Variants in EIF2A observed in about 807,000 individuals in gnomAD.
The protein encoded by EIF2A is eukaryotic translation initiation factor 2A, also known as 65 kDa eukaryotic translation initiation factor 2A.
A neutral mutation model predicts 75.2 loss-of-function variants in EIF2A; 62 were observed. The observed-to-expected ratio is 0.82, with a 90% CI of 0.67 to 1.02. EIF2A has a LOEUF of 1.02. Ranked by LOEUF, EIF2A falls within the 50% of genes least tolerant of loss-of-function variation. The probability of loss-of-function intolerance (pLI) is 0.00; values close to 1 mark genes in which losing one functional copy is unlikely to be tolerated. For missense variants in EIF2A, 611 were observed against 677.7 expected (o/e 0.90, Z 1.09); for synonymous variants, 207 against 239.0 (o/e 0.87, Z 1.23).
At chr3:150,565,020 T>C (rs1724092463) in intron 6 of EIF2A, 2 of 319,056 alleles carry the variant, frequency 6.3e-6, no homozygotes. Flanking sequence ...ATATATCTTT[T>C]ATGTTTCTTT....
At chr3:150,576,814 G>A (rs1724898848) in intron 11 of EIF2A, among the ~76,000 whole-genome samples, 1 of 152,144 alleles carries the variant, frequency 6.6e-6, no homozygotes, top group Non-Finnish European at 1.5e-5. Flanking sequence ...CAAATAATGG[G>A]ATATTTCCAA....
Position 150,584,182 on chromosome 3 carries a change from CA to C in EIF2A, c.*272del. ...GCTTGACAGATTGAAAGACAAGTGT[CA>C]TTTTTTTTTGTAGAGGGTGATATAT... On this transcript the variant is annotated 3_prime_UTR_variant, in exon 14 of 14. Coordinates refer to ENST00000460851, the MANE Select transcript of EIF2A (RefSeq NM_032025.5). 1 of 311,310 alleles carries C rather than the reference CA, an allele frequency of 3.2e-6. No individual in the cohort carries two copies. Among genetic ancestry groups the C allele is most frequent in the Non-Finnish European group, 5.8e-6 (1 of 171,280 alleles). 19.3% of individuals were successfully genotyped at this position (311,310 alleles called of 1,614,324 possible).
In EIF2A at chr3:150,573,013, A is replaced by T. The variant is rs142038672; in HGVS notation, c.1383+484A>T. Among the ~76,000 whole-genome samples, 26 of 152,238 alleles carry T rather than the reference A, an allele frequency of 1.7e-4. No homozygotes were observed. In the East Asian group the frequency reaches 5.0e-3, roughly 29 times the overall value. On this transcript the variant is annotated intron_variant, in intron 10 of 13. Coordinates refer to ENST00000460851, the MANE Select transcript of EIF2A (RefSeq NM_032025.5). Reference sequence around the variant, plus strand: ...AACATGATATTTATTTGTATTTATCATATTTATTTAGATTTAAAAAGAAAG... The same window carrying T: ...AACATGATATTTATTTGTATTTATCTTATTTATTTAGATTTAAAAAGAAAG...
intron 11 of EIF2A, among the ~76,000 whole-genome samples, chr3:150,576,015 G>A (rs1186774617): frequency 6.6e-6 from 1 of 152,162 alleles, no homozygotes; most frequent in Non-Finnish European, 1.5e-5. Context: ...GGGAGGTGGA[G>A]GTTGCAGTGA....
rs545899486 is a variant in EIF2A, at chr3:150,584,460, T to C, written c.*549T>C. ...GAGCCTATGCTTTAGGTCACTATGA[T>C]ATATACTACTCCTGTATCCTCAAGT... On this transcript the variant is annotated 3_prime_UTR_variant, in exon 14 of 14. Coordinates refer to ENST00000460851, the MANE Select transcript of EIF2A (RefSeq NM_032025.5). Among the ~76,000 whole-genome samples the C allele has an allele frequency of 3.9e-5, 6 of 152,314 alleles. No individual in the cohort carries two copies. The East Asian group carries it at 1.2e-3, about 29-fold the overall frequency.
At chr3:150,555,139 G>C (rs763363062) in intron 2 of EIF2A, among the ~76,000 whole-genome samples, 2 of 151,824 alleles carry the variant, frequency 1.3e-5, no homozygotes. Context: ...ATGTTGCCCA[G>C]GCTGCTCTCC....
At chr3:150,546,948 C>G (rs767364560) in intron 1 of EIF2A, 118 bp downstream of exon 1, 2 of 1,420,530 alleles carry the variant, frequency 1.4e-6, no homozygotes, top group Non-Finnish European at 1.9e-6. Context: ...TTGTGGCTTG[C>G]GGAAAGGCCA....
rs748219843 is a variant in EIF2A at position 150,572,185 on chromosome 3, A to G, written c.1039A>G (p.Lys347Glu). 5.0e-6 allele frequency: 8 copies of G among 1,613,978 alleles called. No homozygotes were observed. The highest frequency in any genetic ancestry group is 6.8e-6 in the Non-Finnish European group (8 of 1,179,876). Residue 347 changes from lysine (K) to glutamate (E), a missense_variant, in exon 10 of 14, where the codon AAA (lysine) becomes GAA (glutamate). Transcript: ENST00000460851. ...LRGQMEVWDV[K>E]NYKLISKPVA... Reference sequence around the variant, plus strand: ...GGGACAAATGGAAGTGTGGGATGTGAAAAACTACAAACTTATTTCTAAACC... The same window carrying G: ...GGGACAAATGGAAGTGTGGGATGTGGAAAACTACAAACTTATTTCTAAACC...
At chr3:150,562,404 A>G (rs1387219511) in intron 3 of EIF2A, 138 bp from the exon 4 acceptor site, 1 of 552,792 alleles carries the variant, frequency 1.8e-6, no homozygotes, top group Non-Finnish European at 3.1e-6. Context: ...CCTGGGAGAC[A>G]GCGAGACTCC....
chr3:150,559,439 C>T (rs1367142455), intron 3 of EIF2A, among the ~76,000 whole-genome samples: 1 of 151,388 alleles, frequency 6.6e-6, no homozygotes, highest in East Asian at 1.9e-4. Flanking sequence ...CCCAAGCAGT[C>T]CTCCTGCCTC....
At chr3:150,570,731 G>C (rs543312599) in intron 9 of EIF2A, among the ~76,000 whole-genome samples, 47 of 152,236 alleles carry the variant, frequency 3.1e-4, no homozygotes, top group Non-Finnish European at 5.6e-4. Context: ...ACACAGTATA[G>C]TTGAAGGATA....
intron 6 of EIF2A, chr3:150,565,900 A>G: frequency 6.8e-6 from 1 of 146,608 alleles, no homozygotes; most frequent in Non-Finnish European, 1.5e-5. Context: ...GGTTCAAGCG[A>G]TTCTCCTGCC....
chr3:150,572,247 G>A lies in EIF2A; in HGVS notation c.1101G>A (p.Pro367=), dbSNP rs182837216. ...ATTCTACATATTTTGCTTGGTGCCC[G>A]GATGGTGAGCATATTTTAACAGCTA... ...ASDSTYFAWC[P]DGEHILTATC... is the part of the protein sequence containing the mutation. The change falls in exon 10 of 14, where the codon CCG becomes CCA. Residue 367 remains proline (P), a synonymous_variant. Coordinates refer to ENST00000460851, the MANE Select transcript of EIF2A (RefSeq NM_032025.5). The A allele has an allele frequency of 1.2e-5, 19 of 1,613,892 alleles. No individual in the cohort carries two copies. The highest frequency in any genetic ancestry group is 1.6e-4 in the Middle Eastern group (1 of 6,062).
intron 9 of EIF2A, among the ~76,000 whole-genome samples, chr3:150,569,159 C>G (rs1015960715): frequency 9.9e-5 from 15 of 152,032 alleles, no homozygotes; most frequent in African/African-American, 3.6e-4. Flanking sequence ...CTATAATCAG[C>G]AGAAGTAAAA....
At position 150,562,490 on chromosome 3, in the gene EIF2A, T is replaced by C. The variant is rs1576593837; in HGVS notation, c.174-52T>C. On this transcript the variant is annotated intron_variant, in intron 3 of 13. Transcript: ENST00000460851. ...GAGGTATGAATGTTTTGGTTAGTGTTGACTACTATAAAACAGTATTTCATT... is the reference window on the plus strand; with the variant it reads ...GAGGTATGAATGTTTTGGTTAGTGTCGACTACTATAAAACAGTATTTCATT... 1.9e-5 allele frequency: 26 copies of C among 1,383,020 alleles called. No individual in the cohort carries two copies. The East Asian group carries it at 6.0e-4, about 32-fold the overall frequency. The allele number at this position is 1,383,020 out of a possible 1,614,324, so 85.7% of individuals were successfully genotyped here.
At chr3:150,547,051 T>G in intron 1 of EIF2A, 1 of 590,964 alleles carries the variant, frequency 1.7e-6, no homozygotes, top group Non-Finnish European at 3.0e-6. Flanking sequence ...CCATCCATCA[T>G]TCTTGCCTGC....
At chr3:150,546,985 G>C in intron 1 of EIF2A, 155 bp downstream of exon 1, 4 of 1,011,098 alleles carry the variant, frequency 4.0e-6, no homozygotes, top group Non-Finnish European at 5.7e-6. Flanking sequence ...GATATAGCGT[G>C]GCAATCGGAA....
chr3:150,556,996 CTT>C (rs1723602434), intron 2 of EIF2A, among the ~76,000 whole-genome samples: 2 of 152,004 alleles, frequency 1.3e-5, no homozygotes, highest in African/African-American at 4.8e-5. Flanking sequence ...ATGAGAAAGT[CTT>C]TGGGTTGCAT....
At chr3:150,571,494 C>A (rs970939599) in intron 9 of EIF2A, among the ~76,000 whole-genome samples, 3 of 152,108 alleles carry the variant, frequency 2.0e-5, no homozygotes, top group African/African-American at 7.2e-5. Context: ...ATAATCCTAG[C>A]ACTTTGGAAT....
Sources: allele counts gnomAD v4.1 joint callset (sites outside exome capture counted in the v4.1 genomes callset), GRCh38; gene constraint gnomAD v4.1.1; transcripts MANE v1.5; gene names NCBI Gene and HGNC (gene_info 2026-07-23, HGNC 2026-07-21).